The following ANKRD13C variants were observed in gnomAD, a reference collection of about 807,000 sequenced individuals.
The protein encoded by ANKRD13C is ankyrin repeat domain 13C.
In ANKRD13C, 16 loss-of-function variants were observed where a neutral mutation model predicts 65.5. The ratio of observed to expected loss-of-function variants is 0.24; its 90% confidence interval spans 0.17 to 0.37. ANKRD13C has a LOEUF of 0.37. Ranked by LOEUF, ANKRD13C falls within the 10% of genes least tolerant of loss-of-function variation. The pLI is 1.00. For synonymous variants in ANKRD13C, 235 were observed against 238.7 expected, an observed-to-expected ratio of 0.98 and a Z score of 0.14; for missense variants, 503 against 655.9, an observed-to-expected ratio of 0.77 and a Z score of 2.55.
rs59618915 is a variant in ANKRD13C at position 70,326,231 on chromosome 1, CAAAAAAAAAAAAAAA to C, written c.473-1289_473-1275del. On this transcript the variant is annotated intron_variant, in intron 2 of 12. Coordinates refer to ENST00000370944, the MANE Select transcript of ANKRD13C (RefSeq NM_030816.5). ...GGGCAACAAGAGCCAAACTCTGTCT[CAAAAAAAAAAAAAAA>C]AAAAAAAAAAAAAAAAAAGACAGCC... is the stretch of plus-strand genomic sequence containing the variant. Among the ~76,000 whole-genome samples, 49 of 31,094 alleles carry C rather than the reference CAAAAAAAAAAAAAAA, an allele frequency of 1.6e-3. 1 individual carries two copies. Among genetic ancestry groups the C allele is most frequent in the Admixed American group, 8.4e-3 (14 of 1,660 alleles). 20.4% of individuals were successfully genotyped at this position (31,094 alleles called of 152,430 possible).
intron 8 of ANKRD13C, among the ~76,000 whole-genome samples, chr1:70,295,913 C>T (rs900915739): frequency 2.2e-4 from 33 of 152,160 alleles, no homozygotes; most frequent in African/African-American, 5.3e-4. Context: ...CTTCCTGACA[C>T]AGAATTCAAA....
chr1:70,354,605 G>T lies in ANKRD13C; in HGVS notation c.-197C>A. ...CTCGCCTAGGCACGAAGGGACGCGCGCTCGCTGGGGGAAGCTAGAACTCAG... is the reference window on the plus strand; with the variant it reads ...CTCGCCTAGGCACGAAGGGACGCGCTCTCGCTGGGGGAAGCTAGAACTCAG... On this transcript the variant is annotated 5_prime_UTR_variant, in exon 1 of 13. Transcript: ENST00000370944. 7.7e-7 allele frequency: 1 copy of T among 1,295,198 alleles called. No homozygotes were observed. The highest frequency in any genetic ancestry group is 1.0e-6 in the Non-Finnish European group (1 of 973,602). The allele number at this position is 1,295,198 out of a possible 1,614,324, so 80.2% of individuals were successfully genotyped here. A position where few individuals can be genotyped will look rare whatever the true frequency, so the allele number is the denominator to read the frequency against.
At chr1:70,330,227 C>G (rs1026361514) in intron 2 of ANKRD13C, among the ~76,000 whole-genome samples, 1 of 151,936 alleles carries the variant, frequency 6.6e-6, no homozygotes, top group Non-Finnish European at 1.5e-5. Context: ...GAACTCAAGG[C>G]AAGGACTGTG....
At chr1:70,308,843 T>C (rs527301732) in intron 5 of ANKRD13C, among the ~76,000 whole-genome samples, 8 of 151,048 alleles carry the variant, frequency 5.3e-5, no homozygotes, top group South Asian at 2.1e-4. Flanking sequence ...TTCCAAAACA[T>C]AGCAATTTAC....
intron 9 of ANKRD13C, among the ~76,000 whole-genome samples, chr1:70,280,416 T>C (rs755307538): frequency 6.6e-6 from 1 of 152,188 alleles, no homozygotes; most frequent in Non-Finnish European, 1.5e-5. Context: ...AAGTGTAGTG[T>C]GTCTAGTTGT....
chr1:70,339,454 G>A (rs1044333577), intron 1 of ANKRD13C, among the ~76,000 whole-genome samples: 1 of 151,512 alleles, frequency 6.6e-6, no homozygotes, highest in African/African-American at 2.4e-5. Flanking sequence ...AAGTAGCTGG[G>A]ATTACAGGTG....
chr1:70,353,924 G>A, intron 1 of ANKRD13C, 55 bp downstream of exon 1: 1 of 1,454,188 alleles, frequency 6.9e-7, no homozygotes, highest in African/African-American at 1.4e-5. Context: ...AGCCTGGGGA[G>A]GCACACCCTA....
In ANKRD13C at chr1:70,278,890, G is replaced by C. The variant is rs530638680; in HGVS notation, c.1216-2046C>G. Among the ~76,000 whole-genome samples, 48 of 152,164 alleles carry C rather than the reference G, an allele frequency of 3.2e-4. 1 individual carries two copies. The South Asian group carries it at 8.5e-3, about 27-fold the overall frequency. ...ACTAACTCATAGTTAAAAATTAATGGAGATAACGTATATAAAAAACTTAGT... is the reference window on the plus strand; with the variant it reads ...ACTAACTCATAGTTAAAAATTAATGCAGATAACGTATATAAAAAACTTAGT... On this transcript the variant is annotated intron_variant, in intron 9 of 12. Coordinates refer to ENST00000370944, the MANE Select transcript of ANKRD13C (RefSeq NM_030816.5).
chr1:70,343,991 C>T (rs1682421111), intron 1 of ANKRD13C, among the ~76,000 whole-genome samples: 2 of 152,030 alleles, frequency 1.3e-5, no homozygotes, highest in Non-Finnish European at 2.9e-5. Context: ...TCTCTACAAA[C>T]AATAATTTTT....
chr1:70,319,824 A>C (rs1681230950), intron 3 of ANKRD13C, among the ~76,000 whole-genome samples: 1 of 152,134 alleles, frequency 6.6e-6, no homozygotes, highest in Non-Finnish European at 1.5e-5. Context: ...AGGACTTTGT[A>C]AATACTTCAG....
intron 1 of ANKRD13C, among the ~76,000 whole-genome samples, chr1:70,351,242 T>C (rs1388700511): frequency 2.0e-5 from 3 of 152,222 alleles, no homozygotes; most frequent in Non-Finnish European, 4.4e-5. Flanking sequence ...ATCACTGTCA[T>C]CATCATGTTG....
intron 3 of ANKRD13C, among the ~76,000 whole-genome samples, chr1:70,324,223 T>C (rs1340071551): frequency 2.0e-5 from 3 of 152,208 alleles, no homozygotes; most frequent in African/African-American, 7.2e-5. Flanking sequence ...ATCAGCAAGA[T>C]AATATTCCCA....
intron 11 of ANKRD13C, among the ~76,000 whole-genome samples, chr1:70,271,845 C>A (rs186528990): frequency 6.6e-6 from 1 of 152,084 alleles, no homozygotes; most frequent in Non-Finnish European, 1.5e-5. Context: ...TATACTTGGA[C>A]GCCTTTTAAG....
At position 70,292,448 on chromosome 1, in the gene ANKRD13C, T is replaced by G; in HGVS notation, c.1155A>C (p.Arg385=). ...REHLSEEDIL[R]NKAIMESLSK... ...TCAAACTCTCCATGATGGCCTTATT[T>G]CGAAGAATATCCTCTTCACTGAGAT... is the stretch of plus-strand genomic sequence containing the variant. The change falls in exon 9 of 13, where the codon CGA becomes CGC. Residue 385 remains arginine (R), a synonymous_variant. Transcript: ENST00000370944. The G allele has an allele frequency of 6.2e-7, 1 of 1,609,278 alleles. No homozygotes were observed. Among genetic ancestry groups the G allele is most frequent in the East Asian group, 2.2e-5 (1 of 44,590 alleles).
intron 3 of ANKRD13C, among the ~76,000 whole-genome samples, chr1:70,315,866 A>G (rs1258394121): frequency 1.3e-5 from 2 of 152,228 alleles, no homozygotes; most frequent in Non-Finnish European, 2.9e-5. Flanking sequence ...TAAAACTGGT[A>G]TGATCCCCAA....
intron 1 of ANKRD13C, among the ~76,000 whole-genome samples, chr1:70,348,701 G>T (rs977339830): frequency 6.6e-6 from 1 of 152,192 alleles, no homozygotes; most frequent in African/African-American, 2.4e-5. Context: ...GCATCAGCAG[G>T]AATATTCTCA....
rs899119235 is a variant in ANKRD13C at position 70,354,658 on chromosome 1, C to T, written c.-250G>A. On this transcript the variant is annotated 5_prime_UTR_variant, in exon 1 of 13. Transcript: ENST00000370944. ...GCCCACGACACCAGGATCTCAGTCT[C>T]GCCGTCGCAGCCGCCGTCGCTGCCT... 44 of 921,412 alleles carry T rather than the reference C, an allele frequency of 4.8e-5. No individual in the cohort carries two copies. Among genetic ancestry groups the T allele is most frequent in the Non-Finnish European group, 6.3e-5 (40 of 632,932 alleles). The allele number at this position is 921,412 out of a possible 1,614,324, so 57.1% of individuals were successfully genotyped here.
intron 9 of ANKRD13C, among the ~76,000 whole-genome samples, chr1:70,279,066 G>C (rs907820770): frequency 6.6e-6 from 1 of 151,866 alleles, no homozygotes; most frequent in Non-Finnish European, 1.5e-5. Flanking sequence ...AAGTAGCCAG[G>C]CATGGTGGCA....
intron 1 of ANKRD13C, among the ~76,000 whole-genome samples, chr1:70,338,101 C>CA (rs1041861818): frequency 7.8e-4 from 111 of 141,548 alleles, no homozygotes; most frequent in African/African-American, 2.2e-3. Context: ...CTCCGTCTCA[C>CA]AAAAAAAAAA....
Sources: allele counts gnomAD v4.1 joint callset (sites outside exome capture counted in the v4.1 genomes callset), GRCh38; gene constraint gnomAD v4.1.1; transcripts MANE v1.5; gene names NCBI Gene and HGNC (gene_info 2026-07-23, HGNC 2026-07-21).